Variants in TMEM132D observed in about 807,000 individuals in gnomAD.
TMEM132D encodes the protein mature OL transmembrane protein.
Under a neutral mutation model 62.3 loss-of-function variants are expected in TMEM132D, and 21 were observed. The ratio of observed to expected loss-of-function variants is 0.34; its 90% confidence interval spans 0.24 to 0.49. The LOEUF is 0.49. Among genes scored for constraint, TMEM132D ranks in the 20% least tolerant of loss-of-function variants. TMEM132D has a pLI of 0.99. For missense variants in TMEM132D, 1,346 were observed against 1,402.8 expected (o/e 0.96, Z 0.65); for synonymous variants, 621 against 575.6 (o/e 1.08, Z -1.13).
At chr12:129,287,407 C>A (rs1881331353) in intron 4 of TMEM132D, among the ~76,000 whole-genome samples, 2 of 152,040 alleles carry the variant, frequency 1.3e-5, no homozygotes, top group African/African-American at 4.8e-5. Context: ...TTGCTTTGGA[C>A]AAGAATCATC....
intron 1 of TMEM132D, among the ~76,000 whole-genome samples, chr12:129,858,873 A>G (rs562196672): frequency 4.0e-5 from 5 of 124,796 alleles, no homozygotes; most frequent in African/African-American, 6.4e-5. Flanking sequence ...GTCCGGGGGA[A>G]CGGGATGGGT....
At chr12:129,623,396 T>C (rs1879124036) in intron 2 of TMEM132D, among the ~76,000 whole-genome samples, 1 of 152,060 alleles carries the variant, frequency 6.6e-6, no homozygotes, top group Non-Finnish European at 1.5e-5. Context: ...GAGTGTGCAG[T>C]GTACCCAGTA....
intron 3 of TMEM132D, among the ~76,000 whole-genome samples, chr12:129,498,831 G>A (rs923614473): frequency 6.6e-6 from 1 of 152,120 alleles, no homozygotes; most frequent in African/African-American, 2.4e-5. Flanking sequence ...ACTACATTAT[G>A]GAATCTAAGG....
chr12:129,530,579 T>G (rs1876187367), intron 3 of TMEM132D, among the ~76,000 whole-genome samples: 1 of 152,210 alleles, frequency 6.6e-6, no homozygotes. Flanking sequence ...CTGCAGATAG[T>G]TCACTGTACC....
At chr12:129,075,613 G>T (rs1283345418) in intron 8 of TMEM132D, among the ~76,000 whole-genome samples, 8 of 152,234 alleles carry the variant, frequency 5.3e-5, no homozygotes, top group Non-Finnish European at 1.0e-4. Flanking sequence ...TGGGTCTGCA[G>T]GAGTGGATCT....
At chr12:129,130,561 T>G (rs1037427956) in intron 5 of TMEM132D, among the ~76,000 whole-genome samples, 9 of 152,032 alleles carry the variant, frequency 5.9e-5, no homozygotes, top group African/African-American at 1.4e-4. Context: ...ATACAACAGA[T>G]AAAACAAAAA....
At chr12:129,635,121 G>T (rs1456887558) in intron 2 of TMEM132D, among the ~76,000 whole-genome samples, 1 of 152,184 alleles carries the variant, frequency 6.6e-6, no homozygotes, top group Non-Finnish European at 1.5e-5. Flanking sequence ...TAAATGTTTT[G>T]TCTAAATGTA....
chr12:129,486,541 C>T (rs1874584771), intron 3 of TMEM132D, among the ~76,000 whole-genome samples: 1 of 152,088 alleles, frequency 6.6e-6, no homozygotes, highest in Non-Finnish European at 1.5e-5. Flanking sequence ...TTCCAAGGTC[C>T]CAAGCTAATA....
chr12:129,270,651 G>C (rs1880829313), intron 4 of TMEM132D, among the ~76,000 whole-genome samples: 1 of 152,172 alleles, frequency 6.6e-6, no homozygotes, highest in Non-Finnish European at 1.5e-5. Flanking sequence ...CATATTGTGT[G>C]TGTGTGTGTG....
chr12:129,722,123 G>A (rs1868855431), intron 1 of TMEM132D, among the ~76,000 whole-genome samples: 1 of 152,186 alleles, frequency 6.6e-6, no homozygotes, highest in African/African-American at 2.4e-5. Context: ...GTCCCACGCT[G>A]CTTTTCCTGT....
intron 4 of TMEM132D, among the ~76,000 whole-genome samples, chr12:129,234,424 C>T (rs73420154): frequency 1.3e-5 from 2 of 152,320 alleles, no homozygotes; most frequent in African/African-American, 2.4e-5. Context: ...AATCTTTTCA[C>T]ACCCGTTCCA....
Position 129,371,385 on chromosome 12 carries a change from A to G in TMEM132D, c.1116-33568T>C, listed in dbSNP as rs1870595370. 6.6e-6 allele frequency among the ~76,000 whole-genome samples: 1 copy of G among 151,208 alleles called. No homozygotes were observed. ...AATGATGTGATGATGGTGATGATGA[A>G]TGATGATGGTGGTGATTATGATGAT... On this transcript the variant is annotated intron_variant, in intron 3 of 8. Transcript: ENST00000422113. The surrounding 1 kb of genome is among the most constrained non-coding windows in gnomAD (Gnocchi z 4.3).
chr12:129,396,034 G>T (rs189844963), intron 3 of TMEM132D, among the ~76,000 whole-genome samples: 1 of 145,472 alleles, frequency 6.9e-6, no homozygotes, highest in Admixed American at 6.9e-5. Flanking sequence ...TAATTATATA[G>T]CTATACACTA....
At chr12:129,587,465 A>C (rs1878061565) in intron 2 of TMEM132D, among the ~76,000 whole-genome samples, 1 of 152,122 alleles carries the variant, frequency 6.6e-6, no homozygotes, top group African/African-American at 2.4e-5. Context: ...TGGGTGATGA[A>C]CTAATTCGTA....
rs879489402 is a variant in TMEM132D at position 129,323,252 on chromosome 12, T to TA, written c.1299+14381dup. ...TTACCTTACTCGTGTTTTTACAATTTAAAAAAAAAGCGTAAATAGCAACTT... is the reference window on the plus strand; with the variant it reads ...TTACCTTACTCGTGTTTTTACAATTTAAAAAAAAAAGCGTAAATAGCAACTT... On this transcript the variant is annotated intron_variant, in intron 4 of 8. Coordinates refer to ENST00000422113, the MANE Select transcript of TMEM132D (RefSeq NM_133448.3). Among the ~76,000 whole-genome samples the TA allele has an allele frequency of 2.2e-4, 34 of 151,324 alleles. No individual in the cohort carries two copies. The Middle Eastern group carries it at 0.01, about 45-fold the overall frequency.
At chr12:129,448,885 C>T (rs887895489) in intron 3 of TMEM132D, among the ~76,000 whole-genome samples, 2 of 152,074 alleles carry the variant, frequency 1.3e-5, no homozygotes, top group Non-Finnish European at 2.9e-5. Context: ...ACTAGTTGTC[C>T]CAATGCCAGT....
chr12:129,744,982 G>A (rs573599095), intron 1 of TMEM132D, among the ~76,000 whole-genome samples: 1 of 152,272 alleles, frequency 6.6e-6, no homozygotes, highest in African/African-American at 2.4e-5. Flanking sequence ...TCGTGATAGT[G>A]AGTGAATTCT....
At chr12:129,654,948 C>T (rs1880032062) in intron 2 of TMEM132D, among the ~76,000 whole-genome samples, 1 of 149,900 alleles carries the variant, frequency 6.7e-6, no homozygotes, top group Admixed American at 6.7e-5. Flanking sequence ...AATTCCTTTT[C>T]TTTTTTTTTT....
rs150127524 is a variant in TMEM132D at position 129,220,077 on chromosome 12, A to G, written c.1300-10414T>C. The stretch of plus-strand genomic sequence containing the variant: ...TAATATTCAGTTTTAAGAATATTGT[A>G]TCAGTCAGGGATGTTAGTTGCAGAC... On this transcript the variant is annotated intron_variant, in intron 4 of 8. Coordinates refer to ENST00000422113, the MANE Select transcript of TMEM132D (RefSeq NM_133448.3). Among the ~76,000 whole-genome samples, 1,242 of 152,326 alleles carry G rather than the reference A, an allele frequency of 8.2e-3. 16 individuals are homozygous for G. The highest frequency in any genetic ancestry group is 0.028 in the African/African-American group (1,151 of 41,586).
Sources: allele counts gnomAD v4.1 joint callset (sites outside exome capture counted in the v4.1 genomes callset), GRCh38; gene constraint gnomAD v4.1.1; non-coding constraint Gnocchi (gnomAD v3.1); transcripts MANE v1.5; gene names NCBI Gene and HGNC (gene_info 2026-07-23, HGNC 2026-07-21).